The following EML3 variants were observed in gnomAD, a reference collection of about 807,000 sequenced individuals.
EML3 encodes the protein echinoderm microtubule-associated protein-like 3.
A neutral mutation model predicts 106.7 loss-of-function variants in EML3; 53 were observed. That is an observed-to-expected ratio of 0.50 (90% CI 0.40 to 0.62). The LOEUF (loss-of-function observed/expected upper bound fraction) is 0.62, where lower values mean the gene tolerates loss of function less well. Among genes scored for constraint, EML3 ranks in the 20% least tolerant of loss-of-function variants. The pLI is 0.00. For synonymous variants in EML3, 499 were observed against 489.6 expected (o/e 1.02, Z -0.25); for missense variants, 994 against 1,209.1 (o/e 0.82, Z 2.64).
chr11:62,605,079 G>C lies in EML3; in HGVS notation c.1982+34C>G, dbSNP rs757216722. On this transcript the variant is annotated intron_variant, in intron 16 of 21. Coordinates refer to ENST00000394773, the MANE Select transcript of EML3 (RefSeq NM_153265.3). The surrounding 1 kb of genome is among the most constrained non-coding windows in gnomAD (Gnocchi z 5.2). The stretch of plus-strand genomic sequence containing the variant: ...CCAGGAACCCTTCCCAGTCCTCCCT[G>C]CTTTCCCTCCTGGGAGTCCTGGCTC... 14 of 1,599,092 alleles carry C rather than the reference G, an allele frequency of 8.8e-6. No individual in the cohort carries two copies. The South Asian group carries it at 1.2e-4, about 14-fold the overall frequency.
intron 8 of EML3, 22 bp from the exon 9 acceptor site, chr11:62,608,674 G>A (rs778246630): frequency 1.3e-5 from 21 of 1,614,010 alleles, no homozygotes; most frequent in South Asian, 6.6e-5. Flanking sequence ...AGAGTCACAA[G>A]TGTGAAGCAA....
rs1295375200 is a variant in EML3 at position 62,602,318 on chromosome 11, G to A, written c.*157C>T. On this transcript the variant is annotated 3_prime_UTR_variant, in exon 22 of 22. Transcript: ENST00000394773. ...CCAGCGGGTCTAAACAGTGTGTGCAGGGGCGCCGTTCGCGCCCTCCAGGAA... is the reference window on the plus strand; with the variant it reads ...CCAGCGGGTCTAAACAGTGTGTGCAAGGGCGCCGTTCGCGCCCTCCAGGAA... 1.3e-6 allele frequency: 2 copies of A among 1,551,120 alleles called. No homozygotes were observed. Among genetic ancestry groups the A allele is most frequent in the Non-Finnish European group, 1.7e-6 (2 of 1,146,900 alleles).
In EML3 at chr11:62,602,810, G is replaced by C. The variant is rs781594087; in HGVS notation, c.2436C>G (p.Ala812=). The C allele has an allele frequency of 1.9e-6, 3 of 1,610,246 alleles. No individual in the cohort carries two copies. The highest frequency in any genetic ancestry group is 2.5e-6 in the Non-Finnish European group (3 of 1,178,880). Reference sequence around the variant, plus strand: ...AGAGATGCACTTTGCAGAAGTCGTCGGCCACCGCCACCACGCGCTCGTTGT... The same window carrying C: ...AGAGATGCACTTTGCAGAAGTCGTCCGCCACCGCCACCACGCGCTCGTTGT... The part of the protein sequence containing the change: ...RSHNERVVAV[A]DDFCKVHLFQ... Residue 812 remains alanine (A), a synonymous_variant, in exon 21 of 22, where the codon GCC becomes GCG. Transcript: ENST00000394773.
intron 20 of EML3, 55 bp from the exon 21 acceptor site, chr11:62,602,944 A>C: frequency 2.7e-6 from 4 of 1,484,668 alleles, no homozygotes; most frequent in Non-Finnish European, 3.6e-6. Flanking sequence ...CCCACGGCCC[A>C]GAGCTACACC....
Position 62,605,846 on chromosome 11 carries a change from A to G in EML3, c.1782+9T>C. The G allele has an allele frequency of 6.2e-7, 1 of 1,613,756 alleles. No individual in the cohort carries two copies. Among genetic ancestry groups the G allele is most frequent in the Non-Finnish European group, 8.5e-7 (1 of 1,179,860 alleles). ...TGTCCCTTCCTCCCCTGAGCCCTTA[A>G]CCCCCAACCTGGATTACAGGGGAGA... On this transcript the variant is annotated intron_variant, in intron 14 of 21. Transcript: ENST00000394773. The surrounding 1 kb of genome is among the most constrained non-coding windows in gnomAD (Gnocchi z 5.2).
intron 13 of EML3, 26 bp from the exon 14 acceptor site, chr11:62,606,006 G>C (rs778582458): frequency 6.2e-7 from 1 of 1,613,806 alleles, no homozygotes; most frequent in East Asian, 2.2e-5. Context: ...AGAATGTCAA[G>C]AGCCCACTGA....
Position 62,606,324 on chromosome 11 carries a change from G to C in EML3, c.1505-110C>G. 2.4e-6 allele frequency: 3 copies of C among 1,265,352 alleles called. No homozygotes were observed. The Admixed American group carries it at 6.7e-5, about 28-fold the overall frequency. 78.4% of individuals were successfully genotyped at this position (1,265,352 alleles called of 1,614,324 possible). A position where few individuals can be genotyped will look rare whatever the true frequency, so the allele number is the denominator to read the frequency against. ...AGAACTCCCAGCCATTGCATGCACT[G>C]ACTACTATGTCTCATCCTCATACTG... On this transcript the variant is annotated intron_variant, in intron 12 of 21. Coordinates refer to ENST00000394773, the MANE Select transcript of EML3 (RefSeq NM_153265.3).
chr11:62,602,936 C>A, intron 20 of EML3, 47 bp from the exon 21 acceptor site: 1 of 1,492,642 alleles, frequency 6.7e-7, no homozygotes, highest in East Asian at 2.4e-5. Context: ...CACCGCCACC[C>A]ACGGCCCAGA....
intron 7 of EML3, 48 bp from the exon 8 acceptor site, chr11:62,608,853 C>T: frequency 6.4e-7 from 1 of 1,570,852 alleles, no homozygotes; most frequent in African/African-American, 1.3e-5. Context: ...TCAAGACCAT[C>T]CAAGACACCT....
intron 1 of EML3, 138 bp downstream of exon 1, chr11:62,612,298 G>A: frequency 2.4e-6 from 2 of 835,432 alleles, no homozygotes; most frequent in Non-Finnish European, 3.6e-6. Context: ...GCGACCGGAG[G>A]AACTGTGGAG....
rs1942395491 is a variant in EML3, at chr11:62,604,143, C to T, written c.2041G>A (p.Glu681Lys). The change falls in exon 17 of 22, where the codon GAG becomes AAG. Residue 681 changes from glutamate to lysine, a missense_variant. Physicochemically the swap from Glu to Lys is moderately conservative, Grantham distance 56. Around this residue, in one of 3 missense-constraint regions of EML3, gnomAD observed 713 missense variants for 920.5 expected, o/e 0.77. Transcript: ENST00000394773. ...CTGTACCGGACCACTGAGAGCTGCT[C>T]ATTGCCATCAATGACATCAGACACG... is the stretch of plus-strand genomic sequence containing the variant. Reference protein sequence around the residue: ...EIVSDVIDGNEQLSVVRYSPD... With the variant: ...EIVSDVIDGNKQLSVVRYSPD... 6.2e-7 allele frequency: 1 copy of T among 1,613,884 alleles called. No homozygotes were observed. The highest frequency in any genetic ancestry group is 8.5e-7 in the Non-Finnish European group (1 of 1,180,006).
At chr11:62,606,890 C>T in intron 12 of EML3, 68 bp downstream of exon 12, 1 of 1,405,278 alleles carries the variant, frequency 7.1e-7, no homozygotes, top group Non-Finnish European at 9.6e-7. Flanking sequence ...GAATGGGAAA[C>T]CCTCTCCTCT....
At chr11:62,607,525 A>G (rs1942595746) in intron 11 of EML3, 141 bp downstream of exon 11, 2 of 1,004,294 alleles carry the variant, frequency 2.0e-6, no homozygotes, top group Non-Finnish European at 2.8e-6. Flanking sequence ...TGACAAGAGC[A>G]AGACTCCGTC....
chr11:62,611,771 C>T, intron 1 of EML3, 175 bp from the exon 2 acceptor site: 1 of 717,088 alleles, frequency 1.4e-6, no homozygotes, highest in Non-Finnish European at 2.2e-6. Context: ...CAAGGGCCTC[C>T]TTCTGGCAGG....
At chr11:62,606,330 T>C in intron 12 of EML3, 116 bp from the exon 13 acceptor site, 5 of 1,198,140 alleles carry the variant, frequency 4.2e-6, no homozygotes, top group Non-Finnish European at 5.9e-6. Flanking sequence ...CACTGACTAC[T>C]ATGTCTCATC....
Position 62,612,509 on chromosome 11 carries a change from C to T in EML3, c.-52G>A. On this transcript the variant is annotated 5_prime_UTR_variant, in exon 1 of 22. Coordinates refer to ENST00000394773, the MANE Select transcript of EML3 (RefSeq NM_153265.3). ...GGCGGCGGAGGAGGCGTCTAAGCCG[C>T]GGGGGCCACGGCCGGGGAGAGGGGA... 7.4e-7 allele frequency: 1 copy of T among 1,354,596 alleles called. No individual in the cohort carries two copies. Among genetic ancestry groups the T allele is most frequent in the Non-Finnish European group, 9.4e-7 (1 of 1,060,094 alleles). 83.9% of individuals were successfully genotyped at this position (1,354,596 alleles called of 1,614,324 possible).
chr11:62,610,386 G>C (rs1942749154), intron 4 of EML3, among the ~76,000 whole-genome samples: 1 of 152,166 alleles, frequency 6.6e-6, no homozygotes, highest in South Asian at 2.1e-4. Context: ...ATGTCCTCTT[G>C]CCCTCTAGAA....
In EML3 at chr11:62,606,504, T is replaced by A. The variant is rs1478236668; in HGVS notation, c.1505-290A>T. On this transcript the variant is annotated intron_variant, in intron 12 of 21. Coordinates refer to ENST00000394773, the MANE Select transcript of EML3 (RefSeq NM_153265.3). ...AGCTCCAGCCGTTTCTCCTTTGCTG[T>A]GCTGCCCACACGCTTCTAGACTAGC... 2.2e-5 allele frequency: 11 copies of A among 502,688 alleles called. No homozygotes were observed. In the Admixed American group the frequency reaches 3.0e-4, roughly 14 times the overall value. The allele number at this position is 502,688 out of a possible 1,614,324, so 31.1% of individuals were successfully genotyped here.
In EML3 at chr11:62,612,502, T is replaced by C. The variant is rs1942884937; in HGVS notation, c.-45A>G. The C allele has an allele frequency of 2.9e-6, 4 of 1,372,426 alleles. No individual in the cohort carries two copies. The highest frequency in any genetic ancestry group is 2.7e-4 in the Middle Eastern group (1 of 3,738). The allele number at this position is 1,372,426 out of a possible 1,614,324, so 85.0% of individuals were successfully genotyped here. ...GAGCGGCGGCGGCGGAGGAGGCGTC[T>C]AAGCCGCGGGGGCCACGGCCGGGGA... On this transcript the variant is annotated 5_prime_UTR_variant, in exon 1 of 22. Transcript: ENST00000394773.
Sources: gnomAD v4.1 joint callset for allele counts (sites outside exome capture counted in the v4.1 genomes callset) on GRCh38, gnomAD v4.1.1 for gene constraint, gnomAD v4.1.1 regional missense constraint, Gnocchi (gnomAD v3.1) non-coding constraint, MANE v1.5 for transcripts, NCBI Gene and HGNC (gene_info 2026-07-23, HGNC 2026-07-21) for gene names.